SLC6A2: variants seen among roughly 807,000 people sequenced by gnomAD.
SLC6A2 encodes the protein solute carrier family 6 member 2.
A neutral mutation model predicts 71.7 loss-of-function variants in SLC6A2; 26 were observed. That is an observed-to-expected ratio of 0.36 (90% confidence interval 0.27 to 0.50). SLC6A2 has a LOEUF of 0.50. Among genes scored for constraint, SLC6A2 ranks in the 20% least tolerant of loss-of-function variants. The pLI, the probability that SLC6A2 is intolerant of heterozygous loss-of-function variation, is 0.96. For synonymous variants in SLC6A2, 363 were observed against 337.9 expected (o/e 1.07, Z -0.82); for missense variants, 581 against 803.9 (o/e 0.72, Z 3.35).
In SLC6A2 at chr16:55,656,853, G is replaced by T; in HGVS notation, c.159G>T (p.Ala53=). The change falls in exon 2 of 15, where the codon GCG becomes GCT. Residue 53 remains alanine (A), a synonymous_variant. Transcript: ENST00000568943. The surrounding 1 kb of genome is among the most constrained non-coding windows in gnomAD (Gnocchi z 4.5). ...TGCTGGCGCCCCGCGACGGCGACGC[G>T]CAGCCCCGGGAGACCTGGGGCAAGA... ...QCLLAPRDGD[A]QPRETWGKKI... is the part of the protein sequence containing the mutation. The T allele has an allele frequency of 1.9e-6, 3 of 1,613,794 alleles. No individual in the cohort carries two copies. The highest frequency in any genetic ancestry group is 2.5e-6 in the Non-Finnish European group (3 of 1,179,872).
chr16:55,689,726 G>A (rs181282916), intron 5 of SLC6A2, among the ~76,000 whole-genome samples: 12 of 152,346 alleles, frequency 7.9e-5, no homozygotes, highest in Admixed American at 5.9e-4. Flanking sequence ...AGGTCACCCA[G>A]ATGCAACAGC....
chr16:55,700,064 A>T (rs1965921190), intron 12 of SLC6A2, 75 bp from the exon 13 acceptor site: 9 of 1,215,080 alleles, frequency 7.4e-6, no homozygotes, highest in Middle Eastern at 1.9e-4. Context: ...CCTTTCTTCC[A>T]CCTCCTTCTC....
At position 55,702,427 on chromosome 16, in the gene SLC6A2, T is replaced by G; in HGVS notation, c.*81T>G. 1 of 1,612,888 alleles carries G rather than the reference T, an allele frequency of 6.2e-7. No homozygotes were observed. Among genetic ancestry groups the G allele is most frequent in the South Asian group, 1.1e-5 (1 of 90,958 alleles). ...CGCTGCGCTCCCACCTCGGACACCA[T>G]CTTGGGATTCCTCCCCTGGAAGTTG... On this transcript the variant is annotated 3_prime_UTR_variant, in exon 15 of 15. Transcript: ENST00000568943.
chr16:55,693,770 A>G (rs184622877), intron 6 of SLC6A2, among the ~76,000 whole-genome samples: 171 of 152,320 alleles, frequency 1.1e-3, no homozygotes, highest in African/African-American at 3.8e-3. Context: ...ATGAGTTCCT[A>G]CAGGGTGAGC....
chr16:55,699,845 CAGCTGGGGCCAGGTCCCCGG>C (rs1354096356), intron 12 of SLC6A2, among the ~76,000 whole-genome samples, 191 bp downstream of exon 12: 1 of 152,120 alleles, frequency 6.6e-6, no homozygotes, highest in East Asian at 1.9e-4. Flanking sequence ...GGGGGTTCTC[CAGCTGGGGCCAGGTCCCCGG>C]GGGCTGTTAT....
intron 5 of SLC6A2, among the ~76,000 whole-genome samples, chr16:55,686,365 A>G (rs868236023): frequency 1.6e-4 from 24 of 152,172 alleles, no homozygotes; most frequent in Middle Eastern, 3.2e-3. Context: ...CTGAGTTCCA[A>G]GAACATGTCC....
At chr16:55,671,573 G>C (rs1290994277) in intron 3 of SLC6A2, 2 of 477,588 alleles carry the variant, frequency 4.2e-6, no homozygotes, top group Admixed American at 3.5e-5. Context: ...CCCATCGCTC[G>C]CATGACCGCC....
chr16:55,701,735 C>T, intron 13 of SLC6A2, 128 bp from the exon 14 acceptor site: 1 of 763,068 alleles, frequency 1.3e-6, no homozygotes, highest in Admixed American at 1.8e-5. Context: ...CTTGTACAGA[C>T]CCCAAATGCT....
chr16:55,680,357 G>A (rs914338751), intron 4 of SLC6A2, among the ~76,000 whole-genome samples: 2 of 152,108 alleles, frequency 1.3e-5, no homozygotes, highest in Non-Finnish European at 2.9e-5. Context: ...AAGGAGTATC[G>A]ACTCACACGA....
chr16:55,687,069 G>A (rs1965474488), intron 5 of SLC6A2, among the ~76,000 whole-genome samples: 1 of 125,030 alleles, frequency 8.0e-6, no homozygotes, highest in African/African-American at 3.0e-5. Flanking sequence ...TTACAGGCAG[G>A]TTATGGATCA....
intron 5 of SLC6A2, among the ~76,000 whole-genome samples, chr16:55,686,632 C>T (rs1426821679): frequency 6.6e-6 from 1 of 152,158 alleles, no homozygotes; most frequent in African/African-American, 2.4e-5. Context: ...CTCTCTGATA[C>T]TCTTAGAGTT....
chr16:55,705,450 C>T lies in SLC6A2; in HGVS notation c.*3104C>T, dbSNP rs559938665. ...ACTCACTTTATTTGTTTATTTCCTT[C>T]GAAAGCCACCGAAGAGAGAAAAACA... On this transcript the variant is annotated 3_prime_UTR_variant, in exon 15 of 15. Transcript: ENST00000568943. 3.2e-5 allele frequency: 18 copies of T among 555,072 alleles called. No homozygotes were observed. Among genetic ancestry groups the T allele is most frequent in the Middle Eastern group, 3.1e-4 (1 of 3,206 alleles). The allele number at this position is 555,072 out of a possible 1,614,324, so 34.4% of individuals were successfully genotyped here.
At chr16:55,672,265 G>A (rs1964946454) in intron 4 of SLC6A2, 90 bp downstream of exon 4, 1 of 1,608,820 alleles carries the variant, frequency 6.2e-7, no homozygotes, top group Admixed American at 1.7e-5. Context: ...AGACCAAGGA[G>A]ACGCATGCCG....
chr16:55,699,760 G>T, intron 12 of SLC6A2, 106 bp downstream of exon 12: 1 of 833,530 alleles, frequency 1.2e-6, no homozygotes. Flanking sequence ...CTGGGATCCA[G>T]AGGCCCTGGT....
chr16:55,669,829 C>A, intron 3 of SLC6A2, 133 bp downstream of exon 3: 1 of 945,416 alleles, frequency 1.1e-6, no homozygotes, highest in Non-Finnish European at 1.7e-6. Context: ...ACAAGGTCAA[C>A]AGTGTCCCCC....
At chr16:55,686,066 G>A (rs1965442584) in intron 5 of SLC6A2, among the ~76,000 whole-genome samples, 1 of 152,166 alleles carries the variant, frequency 6.6e-6, no homozygotes. Flanking sequence ...GTTGTGGTGA[G>A]CTAATGCTGT....
At chr16:55,658,587 G>A (rs75333274) in intron 2 of SLC6A2, among the ~76,000 whole-genome samples, 4,881 of 152,226 alleles carry the variant, frequency 0.032, 197 homozygotes, top group African/African-American at 0.086. Context: ...GAGTAAGAAA[G>A]CAGTTAGCTC....
chr16:55,674,178 C>T (rs1156530691), intron 4 of SLC6A2, among the ~76,000 whole-genome samples: 2 of 151,228 alleles, frequency 1.3e-5, no homozygotes, highest in Non-Finnish European at 2.9e-5. Flanking sequence ...CTCTTGTCCC[C>T]CTCCCTCCCT....
intron 2 of SLC6A2, among the ~76,000 whole-genome samples, chr16:55,666,227 C>G (rs1187612465): frequency 6.6e-6 from 1 of 152,216 alleles, no homozygotes; most frequent in African/African-American, 2.4e-5. Flanking sequence ...GCAGCTGGCA[C>G]TGCCACACAT....
Sources: gnomAD v4.1 joint callset for allele counts (sites outside exome capture counted in the v4.1 genomes callset) on GRCh38, gnomAD v4.1.1 for gene constraint, Gnocchi (gnomAD v3.1) non-coding constraint, MANE v1.5 for transcripts, NCBI Gene and HGNC (gene_info 2026-07-23, HGNC 2026-07-21) for gene names.